The following ERBB4 variants were observed in gnomAD, a reference collection of about 807,000 sequenced individuals.
ERBB4 encodes the protein receptor tyrosine-protein kinase erbB-4.
In ERBB4, 42 loss-of-function variants were observed where a neutral mutation model predicts 158.0. The observed-to-expected ratio is 0.27, with a 90% CI of 0.21 to 0.34. ERBB4 has a LOEUF of 0.34. Among genes scored for constraint, ERBB4 ranks in the 10% least tolerant of loss-of-function variants. The pLI is 1.00. For missense variants in ERBB4, 1,333 were observed against 1,624.1 expected (o/e 0.82, Z 3.08); for synonymous variants, 583 against 558.7 (o/e 1.04, Z -0.61).
chr2:212,460,317 G>A (rs1688507636), intron 1 of ERBB4, among the ~76,000 whole-genome samples: 1 of 152,226 alleles, frequency 6.6e-6, no homozygotes, highest in Admixed American at 6.5e-5. Flanking sequence ...ACCCCAAAAT[G>A]TGGAAGCCAA....
At position 211,712,145 on chromosome 2, in the gene ERBB4, C is replaced by A; in HGVS notation, c.1029G>T (p.Met343Ile). 1 of 1,613,228 alleles carries A rather than the reference C, an allele frequency of 6.2e-7. No homozygotes were observed. Among genetic ancestry groups the A allele is most frequent in the South Asian group, 1.1e-5 (1 of 91,070 alleles). The change falls in exon 9 of 28, where the codon ATG becomes ATT. Residue 343 changes from methionine to isoleucine, a missense_variant. By Grantham distance (10) the Met-to-Ile change is conservative. Coordinates refer to ENST00000342788, the MANE Select transcript of ERBB4 (RefSeq NM_005235.3). Reference sequence around the variant, plus strand: ...TACTGGAATCCACAGTCTGAGCTGACATCAATGATCCTGTGCCAATGCCAT... The same window carrying A: ...TACTGGAATCCACAGTCTGAGCTGAAATCAATGATCCTGTGCCAATGCCAT... Reference protein sequence around the residue: ...ACDGIGTGSLMSAQTVDSSNI... With the variant: ...ACDGIGTGSLISAQTVDSSNI...
intron 1 of ERBB4, among the ~76,000 whole-genome samples, chr2:212,169,698 AC>A (rs540738939): frequency 1.8e-3 from 276 of 152,246 alleles, no homozygotes; most frequent in African/African-American, 6.2e-3. Context: ...CAAGGGAAGG[AC>A]CAGGTGGGAG....
chr2:211,442,218 C>A (rs1338207449), intron 20 of ERBB4, among the ~76,000 whole-genome samples: 1 of 152,090 alleles, frequency 6.6e-6, no homozygotes, highest in Non-Finnish European at 1.5e-5. Context: ...TCACCATACA[C>A]TGCCACACTC....
chr2:211,684,777 T>C (rs1329164480), intron 12 of ERBB4, among the ~76,000 whole-genome samples: 2 of 152,208 alleles, frequency 1.3e-5, no homozygotes, highest in African/African-American at 2.4e-5. Context: ...TATGAGGAGA[T>C]GACTCACCAA....
chr2:212,386,567 T>C (rs1241654482), intron 1 of ERBB4, among the ~76,000 whole-genome samples: 5 of 143,256 alleles, frequency 3.5e-5, no homozygotes, highest in Non-Finnish European at 7.7e-5. Flanking sequence ...ACTTCCTTTC[T>C]TTCTTAAAAA....
intron 9 of ERBB4, among the ~76,000 whole-genome samples, chr2:211,706,908 G>T (rs1374650359): frequency 6.6e-6 from 1 of 152,104 alleles, no homozygotes; most frequent in African/African-American, 2.4e-5. Context: ...TGCTTTTGAT[G>T]AACATGAAGC....
intron 1 of ERBB4, among the ~76,000 whole-genome samples, chr2:212,423,190 T>A (rs1463668533): frequency 2.0e-5 from 3 of 151,964 alleles, no homozygotes; most frequent in Non-Finnish European, 4.4e-5. Flanking sequence ...AAAAATGCAA[T>A]TATAAGCAAA....
chr2:211,421,625 G>A (rs2125406101), intron 24 of ERBB4, among the ~76,000 whole-genome samples: 1 of 151,846 alleles, frequency 6.6e-6, no homozygotes, highest in East Asian at 1.9e-4. Context: ...CTGTCTTCAA[G>A]CATGGGCAAG....
intron 1 of ERBB4, among the ~76,000 whole-genome samples, chr2:212,236,825 A>G (rs1019592627): frequency 2.2e-4 from 33 of 151,966 alleles, no homozygotes; most frequent in African/African-American, 7.5e-4. Flanking sequence ...TCCTTTATCA[A>G]ATTTTATTGT....
chr2:212,509,497 G>A (rs962768980), intron 1 of ERBB4, among the ~76,000 whole-genome samples: 1 of 151,782 alleles, frequency 6.6e-6, no homozygotes, highest in Non-Finnish European at 1.5e-5. Flanking sequence ...ATTTAATTTT[G>A]TATAAAAATT....
intron 1 of ERBB4, among the ~76,000 whole-genome samples, chr2:212,372,520 C>T (rs375035699): frequency 2.0e-4 from 31 of 151,984 alleles, no homozygotes; most frequent in African/African-American, 6.5e-4. Context: ...GAGGTTGAGG[C>T]GGGCGGATCA....
rs564512588 is a variant in ERBB4, at chr2:212,296,449, TTC to T, written c.83-171548_83-171547del. On this transcript the variant is annotated intron_variant, in intron 1 of 27. Coordinates refer to ENST00000342788, the MANE Select transcript of ERBB4 (RefSeq NM_005235.3). Reference sequence around the variant, plus strand: ...CAATTTGTAGTGTCATATATAACAGTTCTTCAGTAATGTAAAGAACTATTTCA... The same window carrying T: ...CAATTTGTAGTGTCATATATAACAGTTTCAGTAATGTAAAGAACTATTTCA... 3.3e-5 allele frequency among the ~76,000 whole-genome samples: 5 copies of T among 152,044 alleles called. No individual in the cohort carries two copies. In the South Asian group the frequency reaches 1.0e-3, roughly 32 times the overall value.
At chr2:212,494,427 A>C (rs1690447703) in intron 1 of ERBB4, among the ~76,000 whole-genome samples, 1 of 152,074 alleles carries the variant, frequency 6.6e-6, no homozygotes, top group Non-Finnish European at 1.5e-5. Context: ...ATATTAAAAT[A>C]GTTGAATACA....
chr2:211,981,165 AGAGGAC>A (rs1404513205), intron 2 of ERBB4, among the ~76,000 whole-genome samples: 2 of 152,154 alleles, frequency 1.3e-5, no homozygotes, highest in Non-Finnish European at 2.9e-5. Context: ...AATAAGTGAG[AGAGGAC>A]GCTGTTGTCT....
chr2:212,492,650 AC>A (rs1403726149), intron 1 of ERBB4, among the ~76,000 whole-genome samples: 1 of 151,498 alleles, frequency 6.6e-6, no homozygotes, highest in African/African-American at 2.4e-5. Context: ...ATATGTTTCA[AC>A]TATAAAACTC....
intron 16 of ERBB4, among the ~76,000 whole-genome samples, chr2:211,643,483 G>A (rs919486353): frequency 1.3e-5 from 2 of 151,994 alleles, no homozygotes; most frequent in Non-Finnish European, 2.9e-5. Flanking sequence ...TTTACTTGTA[G>A]GCAAGGAAGA....
intron 2 of ERBB4, among the ~76,000 whole-genome samples, chr2:211,967,098 T>C (rs1422749420): frequency 6.6e-6 from 1 of 152,164 alleles, no homozygotes; most frequent in Non-Finnish European, 1.5e-5. Flanking sequence ...GACAAATGCC[T>C]GAATGTTTTT....
chr2:212,510,575 G>A (rs1407705206), intron 1 of ERBB4, among the ~76,000 whole-genome samples: 1 of 151,948 alleles, frequency 6.6e-6, no homozygotes, highest in Non-Finnish European at 1.5e-5. Context: ...AAAACATCAT[G>A]TCATGGTAGG....
chr2:212,229,396 A>G lies in ERBB4; in HGVS notation c.83-104493T>C, dbSNP rs144785649. ...TGTTGCTGATGGGCAATGGTGCTCT[A>G]GGTAGAAGGAAACATATATGCAAAA... On this transcript the variant is annotated intron_variant, in intron 1 of 27. Coordinates refer to ENST00000342788, the MANE Select transcript of ERBB4 (RefSeq NM_005235.3). Among the ~76,000 whole-genome samples the G allele has an allele frequency of 2.6e-5, 4 of 152,306 alleles. No individual in the cohort carries two copies. The East Asian group carries it at 7.7e-4, about 29-fold the overall frequency.
Sources: allele counts gnomAD v4.1 joint callset (sites outside exome capture counted in the v4.1 genomes callset), GRCh38; gene constraint gnomAD v4.1.1; transcripts MANE v1.5; gene names NCBI Gene and HGNC (gene_info 2026-07-23, HGNC 2026-07-21).